The following CNTNAP5 variants were observed in gnomAD, a reference collection of about 807,000 sequenced individuals.
The protein encoded by CNTNAP5 is contactin associated protein family member 5.
CNTNAP5 carries 72 observed loss-of-function variants against 150.2 expected under a neutral mutation model. The ratio of observed to expected loss-of-function variants is 0.48; its 90% confidence interval spans 0.40 to 0.58. The LOEUF (loss-of-function observed/expected upper bound fraction) is 0.58. Among genes scored for constraint, CNTNAP5 ranks in the 20% least tolerant of loss-of-function variants. The pLI, the probability that CNTNAP5 is intolerant of heterozygous loss-of-function variation, is 0.00. For synonymous variants in CNTNAP5, 672 were observed against 619.8 expected (o/e 1.08, Z -1.25); for missense variants, 1,636 against 1,626.2 (o/e 1.01, Z -0.10).
chr2:124,322,652 G>A (rs770089290), intron 3 of CNTNAP5, among the ~76,000 whole-genome samples: 15 of 152,256 alleles, frequency 9.9e-5, no homozygotes, highest in Middle Eastern at 3.4e-3. Context: ...GTCCTTGTTC[G>A]TATAGTCTCA....
intron 2 of CNTNAP5, among the ~76,000 whole-genome samples, chr2:124,231,858 G>A (rs1686629686): frequency 6.6e-6 from 1 of 152,038 alleles, no homozygotes; most frequent in Admixed American, 6.6e-5. Flanking sequence ...CTGGCTAATT[G>A]CAAAACCACA....
chr2:124,523,126 A>G (rs774937185), intron 8 of CNTNAP5, among the ~76,000 whole-genome samples: 2 of 152,108 alleles, frequency 1.3e-5, no homozygotes, highest in Non-Finnish European at 2.9e-5. Flanking sequence ...GACAAAGACC[A>G]TCTCGTATTT....
chr2:124,087,126 T>C (rs1027417339), intron 1 of CNTNAP5, among the ~76,000 whole-genome samples: 22 of 151,758 alleles, frequency 1.4e-4, no homozygotes, highest in Non-Finnish European at 3.1e-4. Context: ...CATATAATTG[T>C]TTTAATTATT....
intron 6 of CNTNAP5, among the ~76,000 whole-genome samples, chr2:124,472,127 T>C (rs1262344157): frequency 6.6e-6 from 1 of 152,054 alleles, no homozygotes; most frequent in Non-Finnish European, 1.5e-5. Context: ...ACTTAAAATA[T>C]GAGCACAAAT....
chr2:124,254,660 T>G (rs1687264807), intron 3 of CNTNAP5, among the ~76,000 whole-genome samples: 1 of 152,208 alleles, frequency 6.6e-6, no homozygotes, highest in Admixed American at 6.5e-5. Context: ...TGAGCATGGC[T>G]TTAGAATAAA....
chr2:124,584,924 T>A (rs951694452), intron 11 of CNTNAP5, among the ~76,000 whole-genome samples: 2 of 152,216 alleles, frequency 1.3e-5, no homozygotes, highest in African/African-American at 4.8e-5. Context: ...GATTTACAGA[T>A]AGAGCCCTTA....
chr2:124,673,392 G>A (rs955695059), intron 13 of CNTNAP5, among the ~76,000 whole-genome samples: 7 of 151,930 alleles, frequency 4.6e-5, no homozygotes, highest in East Asian at 1.9e-4. Flanking sequence ...TTGATAGGGC[G>A]GTAGTAACAC....
At chr2:124,870,345 C>A (rs546063970) in intron 21 of CNTNAP5, among the ~76,000 whole-genome samples, 5 of 151,910 alleles carry the variant, frequency 3.3e-5, no homozygotes, top group Admixed American at 1.3e-4. Flanking sequence ...TATTAATATG[C>A]CTATTACAAC....
intron 3 of CNTNAP5, among the ~76,000 whole-genome samples, chr2:124,404,886 T>C (rs929463129): frequency 3.3e-5 from 5 of 152,190 alleles, no homozygotes; most frequent in African/African-American, 9.7e-5. Context: ...ACTCCTAAAC[T>C]GTGTTTCCGT....
intron 13 of CNTNAP5, among the ~76,000 whole-genome samples, chr2:124,712,250 T>A (rs912659369): frequency 2.6e-5 from 4 of 152,224 alleles, no homozygotes; most frequent in African/African-American, 9.6e-5. Flanking sequence ...TAACTACAAA[T>A]AAGGCTAAAT....
chr2:124,855,603 A>G (rs1677355212), intron 19 of CNTNAP5, among the ~76,000 whole-genome samples: 1 of 152,222 alleles, frequency 6.6e-6, no homozygotes, highest in Non-Finnish European at 1.5e-5. Flanking sequence ...CAGAAAAATT[A>G]TGTTCTTGTA....
At chr2:124,280,380 G>C (rs1299833729) in intron 3 of CNTNAP5, among the ~76,000 whole-genome samples, 6 of 152,010 alleles carry the variant, frequency 3.9e-5, no homozygotes, top group African/African-American at 7.2e-5. Context: ...ATGTAGGCCA[G>C]ACTGGTCTCG....
chr2:124,611,672 T>C (rs934256811), intron 12 of CNTNAP5, among the ~76,000 whole-genome samples: 1 of 152,230 alleles, frequency 6.6e-6, no homozygotes. Context: ...GCACTTTTAC[T>C]GAGCTTTTCA....
chr2:124,890,248 A>C (rs574538724), intron 21 of CNTNAP5, among the ~76,000 whole-genome samples: 9 of 152,158 alleles, frequency 5.9e-5, no homozygotes, highest in African/African-American at 2.2e-4. Context: ...CTGGTCATAG[A>C]AGCTTGTTTT....
At chr2:124,732,692 C>T (rs1053665851) in intron 13 of CNTNAP5, among the ~76,000 whole-genome samples, 1 of 152,040 alleles carries the variant, frequency 6.6e-6, no homozygotes, top group Non-Finnish European at 1.5e-5. Flanking sequence ...AAAATGCATA[C>T]CAAATTTATT....
chr2:124,435,984 ACCAT>A (rs1461076048), intron 5 of CNTNAP5, among the ~76,000 whole-genome samples: 1 of 152,234 alleles, frequency 6.6e-6, no homozygotes, highest in Non-Finnish European at 1.5e-5. Context: ...GGTTGTAATT[ACCAT>A]AACTAAAGAA....
chr2:124,036,490 C>T (rs1681223857), intron 1 of CNTNAP5, among the ~76,000 whole-genome samples: 4 of 152,024 alleles, frequency 2.6e-5, no homozygotes, highest in South Asian at 2.1e-4. Flanking sequence ...TGTGCTCTGT[C>T]AGTTGACAGT....
At chr2:124,238,488 C>A (rs757152601) in intron 2 of CNTNAP5, among the ~76,000 whole-genome samples, 3 of 152,140 alleles carry the variant, frequency 2.0e-5, no homozygotes, top group Non-Finnish European at 2.9e-5. Context: ...GCCTCCAAAT[C>A]ATTTTGGATC....
chr2:124,280,495 G>A (rs988376372), intron 3 of CNTNAP5, among the ~76,000 whole-genome samples: 1 of 151,914 alleles, frequency 6.6e-6, no homozygotes, highest in Non-Finnish European at 1.5e-5. Context: ...TTTGCCACAA[G>A]TTTTCTACAC....
Sources: gnomAD v4.1 joint callset for allele counts (sites outside exome capture counted in the v4.1 genomes callset) on GRCh38, gnomAD v4.1.1 for gene constraint, MANE v1.5 for transcripts, NCBI Gene and HGNC (gene_info 2026-07-23, HGNC 2026-07-21) for gene names.